ZNF98: variants seen among roughly 807,000 people sequenced by gnomAD.
ZNF98 encodes the protein zinc finger protein 739.
Under a neutral mutation model 12.8 loss-of-function variants are expected in ZNF98, and 8 were observed. The ratio of observed to expected loss-of-function variants is 0.63; its 90% CI spans 0.37 to 1.13. The LOEUF (loss-of-function observed/expected upper bound fraction) is 1.13. Ranked by LOEUF, ZNF98 falls within the 50% of genes most tolerant of loss-of-function variation. The pLI is 0.01. For synonymous variants in ZNF98, 112 were observed against 223.5 expected, an observed-to-expected ratio of 0.50 and a Z score of 4.45; for missense variants, 379 against 666.1, an observed-to-expected ratio of 0.57 and a Z score of 4.74.
rs1317131304 is a variant in ZNF98, at chr19:22,391,212, T to C, written c.*304A>G. ...ATGTTTGTCTTCAAAATAAATCCTC[T>C]TCAGCACTTTAAATGCTTATATTTT... is the stretch of plus-strand genomic sequence containing the variant. On this transcript the variant is annotated 3_prime_UTR_variant, in exon 4 of 4. Coordinates refer to ENST00000357774, the MANE Select transcript of ZNF98 (RefSeq NM_001098626.2). 8.4e-6 allele frequency: 3 copies of C among 355,782 alleles called. No individual in the cohort carries two copies. Among genetic ancestry groups the C allele is most frequent in the Non-Finnish European group, 1.5e-5 (3 of 201,236 alleles). The allele number at this position is 355,782 out of a possible 1,614,324, so 22.0% of individuals were successfully genotyped here.
rs1448545042 is a variant in ZNF98 at position 22,391,630 on chromosome 19, T to C, written c.1605A>G (p.Arg535=). Residue 535 remains arginine (R), a synonymous_variant, in exon 4 of 4, where the codon AGA becomes AGG. Transcript: ENST00000357774. ...TCTCTCCAGTATGAATCATCTTATGTCTGTTAAGAATAGAGGAGTTGTTAA... is the reference window on the plus strand; with the variant it reads ...TCTCTCCAGTATGAATCATCTTATGCCTGTTAAGAATAGAGGAGTTGTTAA... The part of the protein sequence containing the change: ...KAFNNSSILN[R]HKMIHTGEKL... 1 of 1,613,602 alleles carries C rather than the reference T, an allele frequency of 6.2e-7. No individual in the cohort carries two copies. Among genetic ancestry groups the C allele is most frequent in the Admixed American group, 1.7e-5 (1 of 59,940 alleles).
rs375377535 is a variant in ZNF98 at position 22,403,391 on chromosome 19, A to C, written c.152T>G (p.Phe51Cys). ...VMLENYRNLV[F>C]VGIAASKPDL... ...TATATTGAAGTTATCCTCACCCACA[A>C]AGACCAGGTTTCTGTAGTTCTCTAA... The change falls in exon 2 of 4, where the codon TTT (phenylalanine) becomes TGT (cysteine). Residue 51 changes from phenylalanine to cysteine, a missense_variant. Coordinates refer to ENST00000357774, the MANE Select transcript of ZNF98 (RefSeq NM_001098626.2). 3.2e-6 allele frequency: 5 copies of C among 1,555,094 alleles called. No individual in the cohort carries two copies. In the African/African-American group the frequency reaches 5.5e-5, roughly 17 times the overall value.
In ZNF98 at chr19:22,412,636, ATCT is replaced by A. The variant is rs1435999894; in HGVS notation, c.31-9127_31-9125del. ...AAAGATCAAGAATTGCAGGAGTAAA[ATCT>A]TAAAAAAAAAAAAAAAGATAAATTC... On this transcript the variant is annotated intron_variant, in intron 1 of 3. Transcript: ENST00000357774. Among the ~76,000 whole-genome samples, 3 of 126,846 alleles carry A rather than the reference ATCT, an allele frequency of 2.4e-5. No individual in the cohort carries two copies. The East Asian group carries it at 6.7e-4, about 28-fold the overall frequency. The allele number at this position is 126,846 out of a possible 152,430, so 83.2% of individuals were successfully genotyped here. A position where few individuals can be genotyped will look rare whatever the true frequency, so the allele number is the denominator to read the frequency against.
intron 3 of ZNF98, among the ~76,000 whole-genome samples, chr19:22,401,392 A>G (rs1969455448): frequency 6.6e-6 from 1 of 152,222 alleles, no homozygotes; most frequent in African/African-American, 2.4e-5. Context: ...AATTTAACCA[A>G]GGAGCTTAAA....
At chr19:22,394,341 T>C (rs1489320095) in intron 3 of ZNF98, among the ~76,000 whole-genome samples, 3 of 151,716 alleles carry the variant, frequency 2.0e-5, no homozygotes, top group Admixed American at 2.0e-4. Context: ...ACGGGGTATA[T>C]ACCCAAAGGA....
chr19:22,422,067 G>T (rs1398672924), intron 1 of ZNF98, 128 bp downstream of exon 1: 4 of 1,227,360 alleles, frequency 3.3e-6, no homozygotes, highest in Non-Finnish European at 4.8e-6. Context: ...GCCGAGCTAG[G>T]CAAGGAGAAC....
intron 3 of ZNF98, among the ~76,000 whole-genome samples, chr19:22,401,873 A>T (rs1483930699): frequency 1.3e-5 from 2 of 151,478 alleles, no homozygotes; most frequent in Non-Finnish European, 2.9e-5. Flanking sequence ...TTTTTTTTAC[A>T]GTAATAGAAA....
chr19:22,410,503 G>C (rs1427209546), intron 1 of ZNF98, among the ~76,000 whole-genome samples: 3 of 152,142 alleles, frequency 2.0e-5, no homozygotes, highest in African/African-American at 7.2e-5. Flanking sequence ...CACAGGGATA[G>C]AAAACCAAAA....
At chr19:22,421,558 CAAGT>C (rs1224819631) in intron 1 of ZNF98, among the ~76,000 whole-genome samples, 5 of 152,058 alleles carry the variant, frequency 3.3e-5, no homozygotes, top group Non-Finnish European at 5.9e-5. Flanking sequence ...GATAAACTGC[CAAGT>C]AAGTTCTGAT....
chr19:22,419,929 A>T (rs1248355100), intron 1 of ZNF98, among the ~76,000 whole-genome samples: 1 of 152,098 alleles, frequency 6.6e-6, no homozygotes, highest in African/African-American at 2.4e-5. Flanking sequence ...AGAACGAGGC[A>T]GGCAGATCAC....
chr19:22,405,469 A>C (rs1285687869), intron 1 of ZNF98, among the ~76,000 whole-genome samples: 1 of 152,080 alleles, frequency 6.6e-6, no homozygotes, highest in Non-Finnish European at 1.5e-5. Context: ...GTGGTGCAGC[A>C]ACCCACCTGA....
intron 1 of ZNF98, among the ~76,000 whole-genome samples, chr19:22,418,943 G>C (rs1275127631): frequency 6.6e-6 from 1 of 152,156 alleles, no homozygotes; most frequent in African/African-American, 2.4e-5. Context: ...CTTCACTTAA[G>C]TTTATCTCCG....
chr19:22,396,445 A>G (rs2145109007), intron 3 of ZNF98, among the ~76,000 whole-genome samples: 1 of 152,282 alleles, frequency 6.6e-6, no homozygotes, highest in Non-Finnish European at 1.5e-5. Flanking sequence ...AAAATCAAAA[A>G]GACACAAAGA....
At chr19:22,420,258 C>G (rs1189231205) in intron 1 of ZNF98, among the ~76,000 whole-genome samples, 1 of 152,212 alleles carries the variant, frequency 6.6e-6, no homozygotes, top group Admixed American at 6.5e-5. Flanking sequence ...AACCTGCTCA[C>G]TTAAGTGCTC....
At chr19:22,395,560 A>C (rs1024737000) in intron 3 of ZNF98, among the ~76,000 whole-genome samples, 11 of 152,182 alleles carry the variant, frequency 7.2e-5, no homozygotes, top group African/African-American at 2.7e-4. Context: ...AATGAGAATA[A>C]AAACAAGAAT....
At chr19:22,420,636 C>G (rs982214644) in intron 1 of ZNF98, among the ~76,000 whole-genome samples, 4 of 151,908 alleles carry the variant, frequency 2.6e-5, no homozygotes, top group African/African-American at 9.7e-5. Flanking sequence ...CTCAGGTTGT[C>G]CTATGAAAGA....
At chr19:22,396,268 G>A (rs1247904017) in intron 3 of ZNF98, among the ~76,000 whole-genome samples, 1 of 152,096 alleles carries the variant, frequency 6.6e-6, no homozygotes, top group East Asian at 1.9e-4. Flanking sequence ...CAGGGCAGAT[G>A]TAATGAGGAA....
chr19:22,403,282 A>ACAC, intron 2 of ZNF98, 104 bp downstream of exon 2: 1 of 1,221,004 alleles, frequency 8.2e-7, no homozygotes. Context: ...AAAAAAAAAA[A>ACAC]ACAGAGATCT....
At chr19:22,402,175 C>CAAAAAAAAA (rs869111485) in intron 3 of ZNF98, among the ~76,000 whole-genome samples, 2 of 60,510 alleles carry the variant, frequency 3.3e-5, no homozygotes, top group African/African-American at 6.4e-5. Flanking sequence ...GACTCCATCT[C>CAAAAAAAAA]AAAAAAAAAA....
Sources: gnomAD v4.1 joint callset for allele counts (sites outside exome capture counted in the v4.1 genomes callset) on GRCh38, gnomAD v4.1.1 for gene constraint, MANE v1.5 for transcripts, NCBI Gene and HGNC (gene_info 2026-07-23, HGNC 2026-07-21) for gene names.